Variants in CENPP observed in about 807,000 individuals in gnomAD.
CENPP encodes the protein centromere protein P.
A neutral mutation model predicts 35.6 loss-of-function variants in CENPP; 24 were observed. The ratio of observed to expected loss-of-function variants is 0.67; its 90% confidence interval spans 0.49 to 0.95. CENPP has a LOEUF of 0.95. CENPP is among the 40% of genes least tolerant of loss of function. The pLI is 0.00. For missense variants in CENPP, 332 were observed against 345.3 expected (o/e 0.96, Z 0.31); for synonymous variants, 120 against 125.5 (o/e 0.96, Z 0.29).
chr9:92,409,426 C>CT (rs1250975599), intron 5 of CENPP, among the ~76,000 whole-genome samples: 3 of 152,098 alleles, frequency 2.0e-5, no homozygotes, highest in Non-Finnish European at 4.4e-5. Flanking sequence ...CTTCTATTTT[C>CT]TTTTTTACAT....
chr9:92,618,217 A>G lies in CENPP; in HGVS notation c.*5068A>G, dbSNP rs1398780603. 2.2e-6 allele frequency: 1 copy of G among 456,548 alleles called. No homozygotes were observed. The highest frequency in any genetic ancestry group is 2.0e-5 in the African/African-American group (1 of 50,062). 28.3% of individuals were successfully genotyped at this position (456,548 alleles called of 1,614,324 possible). The stretch of plus-strand genomic sequence containing the variant: ...TCCTTTTGTTGAGAAAGGCCTGGCT[A>G]GAGTGCTTTGTGCAGGATGGTTCCA... On this transcript the variant is annotated 3_prime_UTR_variant, in exon 8 of 8. Transcript: ENST00000375587.
intron 5 of CENPP, chr9:92,509,915 A>G: frequency 6.2e-7 from 1 of 1,602,182 alleles, no homozygotes; most frequent in South Asian, 1.1e-5. Flanking sequence ...AACTTTCTTC[A>G]TCGATAGCCT....
intron 5 of CENPP, among the ~76,000 whole-genome samples, chr9:92,473,488 A>G (rs532480691): frequency 1.3e-4 from 20 of 152,314 alleles, no homozygotes; most frequent in South Asian, 4.1e-4. Flanking sequence ...TTAGTACAAT[A>G]GTACATTCTC....
At chr9:92,355,468 T>A (rs745355729) in intron 4 of CENPP, among the ~76,000 whole-genome samples, 2 of 152,158 alleles carry the variant, frequency 1.3e-5, no homozygotes, top group Non-Finnish European at 2.9e-5. Context: ...CCTCCCAGTA[T>A]GCACTACAGC....
rs56035071 is a variant in CENPP at position 92,607,248 on chromosome 9, C to T, written c.565-4066C>T. Among the ~76,000 whole-genome samples the T allele has an allele frequency of 3.3e-3, 497 of 152,284 alleles. 3 individuals are homozygous for T. The highest frequency in any genetic ancestry group is 0.011 in the African/African-American group (462 of 41,554). The stretch of plus-strand genomic sequence containing the variant: ...CCAATTGGCCCAGTGCCAGTTACTG[C>T]GGAGTCTAGTGTGAGTTTTGCCAGC... On this transcript the variant is annotated intron_variant, in intron 5 of 7. Transcript: ENST00000375587.
chr9:92,477,126 A>T (rs1845739456), intron 5 of CENPP, among the ~76,000 whole-genome samples: 1 of 152,194 alleles, frequency 6.6e-6, no homozygotes, highest in African/African-American at 2.4e-5. Flanking sequence ...GAAATCACCA[A>T]CTGTGGCTGA....
intron 5 of CENPP, chr9:92,470,749 C>A: frequency 6.3e-7 from 1 of 1,596,588 alleles, no homozygotes; most frequent in Non-Finnish European, 8.5e-7. Flanking sequence ...ATTCGAGTAT[C>A]AAATGGAATG....
At chr9:92,585,162 A>G (rs960647871) in intron 5 of CENPP, among the ~76,000 whole-genome samples, 9 of 152,260 alleles carry the variant, frequency 5.9e-5, no homozygotes, top group Admixed American at 2.0e-4. Context: ...ACTGCTCACT[A>G]GGACTGGGCT....
At chr9:92,472,379 G>T (rs1054974938) in intron 5 of CENPP, among the ~76,000 whole-genome samples, 26 of 146,226 alleles carry the variant, frequency 1.8e-4, no homozygotes, top group African/African-American at 6.6e-4. Flanking sequence ...AAAAAAATAG[G>T]CTGGGCGCGG....
rs775648997 is a variant in CENPP, at chr9:92,495,665, C to G, written c.565-115649C>G. The G allele has an allele frequency of 3.3e-5, 29 of 888,048 alleles. No individual in the cohort carries two copies. In the South Asian group the frequency reaches 9.9e-4, roughly 30 times the overall value. The allele number at this position is 888,048 out of a possible 1,614,324, so 55.0% of individuals were successfully genotyped here. ...TCAAAAAGAGTATAGAATTTATGCACACCCTTCTGCCAGCTTTCCTTAATG... is the reference window on the plus strand; with the variant it reads ...TCAAAAAGAGTATAGAATTTATGCAGACCCTTCTGCCAGCTTTCCTTAATG... On this transcript the variant is annotated intron_variant, in intron 5 of 7. Coordinates refer to ENST00000375587, the MANE Select transcript of CENPP (RefSeq NM_001012267.3).
chr9:92,352,505 G>GTGTGTGTGTGTATATATATA, intron 4 of CENPP, among the ~76,000 whole-genome samples: 7 of 49,786 alleles, frequency 1.4e-4, no homozygotes, highest in African/African-American at 5.4e-4. Context: ...GTGTGTGTGT[G>GTGTGTGTGTGTATATATATA]TATACATATA....
Position 92,619,320 on chromosome 9 carries a change from G to C in CENPP, c.*6171G>C, listed in dbSNP as rs780438295. 3.3e-6 allele frequency: 2 copies of C among 602,546 alleles called. No individual in the cohort carries two copies. Among genetic ancestry groups the C allele is most frequent in the Non-Finnish European group, 6.0e-6 (2 of 332,420 alleles). The allele number at this position is 602,546 out of a possible 1,614,324, so 37.3% of individuals were successfully genotyped here. On this transcript the variant is annotated 3_prime_UTR_variant, in exon 8 of 8. Coordinates refer to ENST00000375587, the MANE Select transcript of CENPP (RefSeq NM_001012267.3). ...TTTGACTGAATTACAAGCTTCTAGA[G>C]GGCGAGAGTTAGTAAGCCCCATGAT...
intron 5 of CENPP, among the ~76,000 whole-genome samples, chr9:92,449,933 A>G (rs1378851065): frequency 6.6e-6 from 1 of 152,172 alleles, no homozygotes; most frequent in Non-Finnish European, 1.5e-5. Context: ...TAGCAGTGTG[A>G]GAATGGACTA....
At chr9:92,474,969 C>A in intron 5 of CENPP, 1 of 1,477,864 alleles carries the variant, frequency 6.8e-7, no homozygotes, top group Non-Finnish European at 9.0e-7. Flanking sequence ...GATATAATTC[C>A]TGCATATATA....
At chr9:92,478,389 G>A (rs1588165248) in intron 5 of CENPP, among the ~76,000 whole-genome samples, 1 of 152,254 alleles carries the variant, frequency 6.6e-6, no homozygotes, top group East Asian at 1.9e-4. Context: ...GGGAAATGAA[G>A]ATTTTGACAA....
At chr9:92,592,405 G>A (rs1850687512) in intron 5 of CENPP, among the ~76,000 whole-genome samples, 1 of 152,178 alleles carries the variant, frequency 6.6e-6, no homozygotes, top group Non-Finnish European at 1.5e-5. Flanking sequence ...AGTATTCTGT[G>A]CTGGCCTTCT....
chr9:92,480,126 T>C, intron 5 of CENPP, among the ~76,000 whole-genome samples: 1 of 152,220 alleles, frequency 6.6e-6, no homozygotes, highest in Admixed American at 6.5e-5. Flanking sequence ...ATATTAAATC[T>C]TCTTCTCAGG....
chr9:92,373,659 C>A (rs995074798), intron 4 of CENPP, among the ~76,000 whole-genome samples: 1 of 152,060 alleles, frequency 6.6e-6, no homozygotes, highest in Non-Finnish European at 1.5e-5. Context: ...AACACCGTCT[C>A]TACTAAAAAT....
At chr9:92,489,144 C>G (rs1846124822) in intron 5 of CENPP, among the ~76,000 whole-genome samples, 1 of 152,180 alleles carries the variant, frequency 6.6e-6, no homozygotes. Flanking sequence ...CTCGAATGCT[C>G]CTGTTCACCT....
Sources: allele counts gnomAD v4.1 joint callset (sites outside exome capture counted in the v4.1 genomes callset), GRCh38; gene constraint gnomAD v4.1.1; transcripts MANE v1.5; gene names NCBI Gene and HGNC (gene_info 2026-07-23, HGNC 2026-07-21).